Variants in SCN4A observed in about 807,000 individuals in gnomAD.
SCN4A encodes the protein sodium voltage-gated channel alpha subunit 4.
Under a neutral mutation model 162.0 loss-of-function variants are expected in SCN4A, and 83 were observed. That is an observed-to-expected ratio of 0.51 (90% CI 0.43 to 0.61). The LOEUF is 0.61. Ranked by LOEUF, SCN4A falls within the 20% of genes least tolerant of loss-of-function variation. SCN4A has a pLI of 0.00. For missense variants in SCN4A, 2,196 were observed against 2,462.5 expected, an observed-to-expected ratio of 0.89 and a Z score of 2.29; for synonymous variants, 944 against 985.1, an observed-to-expected ratio of 0.96 and a Z score of 0.78.
rs771082164 is a variant in SCN4A, at chr17:63,957,500, C to G, written c.2038G>C (p.Ala680Pro). ...ATGTTCAGCGTTGGCCACGACTTGG[C>G]CAGCTTGAAGACCCGCAGCTGCCAA... ...SFRLLRVFKL[A>P]KSWPTLNMLI... The change falls in exon 13 of 24, where the codon GCC (alanine) becomes CCC (proline). Residue 680 changes from alanine to proline, a missense_variant. By Grantham distance (27) the Ala-to-Pro change is conservative (BLOSUM62 -1). Transcript: ENST00000435607. 6.2e-7 allele frequency: 1 copy of G among 1,610,962 alleles called. No individual in the cohort carries two copies. The highest frequency in any genetic ancestry group is 8.5e-7 in the Non-Finnish European group (1 of 1,177,462).
intron 18 of SCN4A, among the ~76,000 whole-genome samples, chr17:63,946,430 A>AC (rs1908719425): frequency 2.0e-5 from 3 of 147,590 alleles, no homozygotes; most frequent in Non-Finnish European, 4.4e-5. Flanking sequence ...CTCCCAGCAG[A>AC]TCTCTCTTCC....
In SCN4A at chr17:63,959,452, T is replaced by G; in HGVS notation, c.1846-14A>C. 2 of 1,611,568 alleles carry G rather than the reference T, an allele frequency of 1.2e-6. No homozygotes were observed. The highest frequency in any genetic ancestry group is 1.7e-6 in the Non-Finnish European group (2 of 1,178,748). On this transcript the variant is annotated splice_polypyrimidine_tract_variant and intron_variant, in intron 11 of 23. Coordinates refer to ENST00000435607, the MANE Select transcript of SCN4A (RefSeq NM_000334.4). The stretch of plus-strand genomic sequence containing the variant: ...GCCTGTGAAGACCTAGGGGGTGGCA[T>G]GAGGCCCTGTCACAGAGCCTCGGGG...
At chr17:63,972,914 GCTGGGCGGCCGCCCCTCC>G (rs1469194007) in exon 1 of SCN4A, 3 of 1,468,492 alleles carry the variant, frequency 2.0e-6, no homozygotes, top group East Asian at 4.7e-5. This position sits in a 1 kb window ranked among gnomAD's most constrained non-coding sequence, Gnocchi z 4.3. Flanking sequence ...GCCCCGGGGT[GCTGGGCGGCCGCCCCTCC>G]CTGGGCGGGC....
Position 63,944,823 on chromosome 17 carries a change from C to T in SCN4A, c.3775-13G>A, listed in dbSNP as rs1423251716. ...GCTGCTCCTCCTTCTGTGGGAGCCACAGGGTGGGACGGCGTGGGTTTGCAC... is the reference window on the plus strand; with the variant it reads ...GCTGCTCCTCCTTCTGTGGGAGCCATAGGGTGGGACGGCGTGGGTTTGCAC... On this transcript the variant is annotated splice_polypyrimidine_tract_variant and intron_variant, in intron 20 of 23. Coordinates refer to ENST00000435607, the MANE Select transcript of SCN4A (RefSeq NM_000334.4). The surrounding 1 kb of genome is among the most constrained non-coding windows in gnomAD (Gnocchi z 4.3). 2 of 1,612,744 alleles carry T rather than the reference C, an allele frequency of 1.2e-6. No individual in the cohort carries two copies. The highest frequency in any genetic ancestry group is 2.2e-5 in the East Asian group (1 of 44,848).
At chr17:63,968,999 C>A (rs976588618) in intron 5 of SCN4A, among the ~76,000 whole-genome samples, 1 of 152,086 alleles carries the variant, frequency 6.6e-6, no homozygotes, top group African/African-American at 2.4e-5. Flanking sequence ...GCCACCACAC[C>A]CAGCTCATTT....
chr17:63,971,375 T>TG, intron 4 of SCN4A, 122 bp from the exon 5 acceptor site: 2 of 674,908 alleles, frequency 3.0e-6, no homozygotes, highest in South Asian at 1.7e-5. Flanking sequence ...CCACAGGGTC[T>TG]GGGGGGCAGG....
At position 63,964,713 on chromosome 17, in the gene SCN4A, T is replaced by C. The variant is rs773176349; in HGVS notation, c.1243-36A>G. ...AGGGAGAGGGAGTGGAGGGGTCCCA[T>C]GACGTCCACCTCCTTTGACCCAGTG... On this transcript the variant is annotated intron_variant, in intron 8 of 23. Transcript: ENST00000435607. 4 of 1,540,910 alleles carry C rather than the reference T, an allele frequency of 2.6e-6. No individual in the cohort carries two copies. In the Admixed American group the frequency reaches 5.6e-5, roughly 22 times the overall value.
rs770779396 is a variant in SCN4A at position 63,959,276 on chromosome 17, A to T, written c.2008T>A (p.Ser670Thr). Reference protein sequence around the residue: ...ANVQGLSVLRSFRLLRVFKLA... With the variant: ...ANVQGLSVLRTFRLLRVFKLA... ...GGGCTTTTGTGTACCAGACGGAAGG[A>T]GCGTAGCACAGACAGTCCCTGTACG... The change falls in exon 12 of 24, where the codon TCC (serine) becomes ACC (threonine). Residue 670 changes from serine (S) to threonine (T), a missense_variant. Transcript: ENST00000435607. The T allele has an allele frequency of 3.7e-6, 6 of 1,611,846 alleles. No individual in the cohort carries two copies. Among genetic ancestry groups the T allele is most frequent in the Non-Finnish European group, 5.1e-6 (6 of 1,178,460 alleles).
chr17:63,957,134 C>A, intron 13 of SCN4A, 28 bp downstream of exon 13: 9 of 1,482,270 alleles, frequency 6.1e-6, no homozygotes, highest in Non-Finnish European at 8.3e-6. Context: ...CGGGTGAGGG[C>A]AGGGGCCACC....
At position 63,972,758 on chromosome 17, in the gene SCN4A, T is replaced by C; in HGVS notation, c.84A>G (p.Ile28Met). 1 of 1,613,736 alleles carries C rather than the reference T, an allele frequency of 6.2e-7. No homozygotes were observed. The highest frequency in any genetic ancestry group is 8.5e-7 in the Non-Finnish European group (1 of 1,179,820). ...RPFTRESLAA[I>M]EQRAVEEEAR... Reference sequence around the variant, plus strand: ...CCTCCTCCTCCACCGCCCGCTGTTCTATGGCTGCCAGTGACTCCCGGGTGA... The same window carrying C: ...CCTCCTCCTCCACCGCCCGCTGTTCCATGGCTGCCAGTGACTCCCGGGTGA... Residue 28 changes from isoleucine (I) to methionine (M), a missense_variant, in exon 1 of 24, where the codon ATA (isoleucine) becomes ATG (methionine). Ile to Met is a conservative substitution (Grantham distance 10, BLOSUM62 1). Coordinates refer to ENST00000435607, the MANE Select transcript of SCN4A (RefSeq NM_000334.4). This position sits in a 1 kb window ranked among gnomAD's most constrained non-coding sequence, Gnocchi z 4.3.
intron 6 of SCN4A, among the ~76,000 whole-genome samples, chr17:63,966,829 A>C (rs996690874): frequency 2.0e-5 from 3 of 152,198 alleles, no homozygotes; most frequent in African/African-American, 7.2e-5. Flanking sequence ...ACGTGTGTGC[A>C]TGGGGTTATT....
chr17:63,963,926 G>A, intron 9 of SCN4A, 101 bp from the exon 10 acceptor site: 1 of 1,170,788 alleles, frequency 8.5e-7, no homozygotes, highest in Non-Finnish European at 1.2e-6. Flanking sequence ...CAGGGTGGCA[G>A]CCCCTCTTCC....
At chr17:63,954,592 G>A (rs1909014704) in intron 13 of SCN4A, among the ~76,000 whole-genome samples, 1 of 152,184 alleles carries the variant, frequency 6.6e-6, no homozygotes, top group Admixed American at 6.5e-5. Context: ...TTACCCGCAG[G>A]AAGTGACCAA....
At chr17:63,961,487 G>A (rs759574120) in intron 10 of SCN4A, 56 bp from the exon 11 acceptor site, 8 of 1,296,372 alleles carry the variant, frequency 6.2e-6, no homozygotes, top group Non-Finnish European at 8.9e-6. Context: ...ACGTGCCCCC[G>A]GCTCCAGCTA....
intron 6 of SCN4A, among the ~76,000 whole-genome samples, chr17:63,967,799 G>T (rs1046919799): frequency 2.6e-5 from 4 of 152,054 alleles, no homozygotes; most frequent in African/African-American, 9.7e-5. Flanking sequence ...TGGGCCTGGT[G>T]GCACATGCCT....
chr17:63,957,298 A>G lies in SCN4A; in HGVS notation c.2240T>C (p.Phe747Ser). The change falls in exon 13 of 24, where the codon TTC becomes TCC. Residue 747 changes from phenylalanine to serine, a missense_variant. Transcript: ENST00000435607. ...CNLPRWHMHD[F>S]FHSFLIVFRI... ...GAAGACGATGAGGAAGGAGTGGAAGAAATCATGCATGTGCCAGCGCGGCAG... is the reference window on the plus strand; with the variant it reads ...GAAGACGATGAGGAAGGAGTGGAAGGAATCATGCATGTGCCAGCGCGGCAG... The G allele has an allele frequency of 2.5e-6, 4 of 1,614,200 alleles. No individual in the cohort carries two copies. The highest frequency in any genetic ancestry group is 3.4e-6 in the Non-Finnish European group (4 of 1,180,016).
chr17:63,939,900 T>G lies in SCN4A; in HGVS notation c.*871A>C, dbSNP rs1009965018. 6.6e-6 allele frequency: 1 copy of G among 152,066 alleles called. No homozygotes were observed. Among genetic ancestry groups the G allele is most frequent in the Non-Finnish European group, 1.5e-5 (1 of 67,994 alleles). 9.4% of individuals were successfully genotyped at this position (152,066 alleles called of 1,614,324 possible). On this transcript the variant is annotated 3_prime_UTR_variant, in exon 24 of 24. Coordinates refer to ENST00000435607, the MANE Select transcript of SCN4A (RefSeq NM_000334.4). ...GGAGAGAGGGAAGGGGCGAGAATCT[T>G]CTTACTGAGCAGCAGGTCCCTGACT... is the stretch of plus-strand genomic sequence containing the variant.
In SCN4A at chr17:63,941,904, G is replaced by C; in HGVS notation, c.4378C>G (p.Arg1460Gly). Reference protein sequence around the residue: ...IRLARIGRVLRLIRGAKGIRT... With the variant: ...IRLARIGRVLGLIRGAKGIRT... The stretch of plus-strand genomic sequence containing the variant: ...ATGCCCTTGGCCCCGCGGATCAGCC[G>C]CAGGACACGCCCAATCCGCGCCAGG... Residue 1460 changes from arginine (R) to glycine (G), a missense_variant, in exon 24 of 24, where the codon CGG (arginine) becomes GGG (glycine). Physicochemically the swap from Arg to Gly is moderately radical, Grantham distance 125. Transcript: ENST00000435607. The surrounding 1 kb of genome is among the most constrained non-coding windows in gnomAD (Gnocchi z 6.2). The C allele has an allele frequency of 6.2e-7, 1 of 1,613,008 alleles. No individual in the cohort carries two copies. The highest frequency in any genetic ancestry group is 2.2e-5 in the East Asian group (1 of 44,858).
rs911873120 is a variant in SCN4A, at chr17:63,963,682, G to A, written c.1596C>T (p.Asp532=). The A allele has an allele frequency of 3.2e-6, 5 of 1,581,858 alleles. No individual in the cohort carries two copies. The highest frequency in any genetic ancestry group is 2.7e-5 in the African/African-American group (2 of 74,350). The change falls in exon 10 of 24, where the codon GAC becomes GAT. Residue 532 remains aspartate, a synonymous_variant. Coordinates refer to ENST00000435607, the MANE Select transcript of SCN4A (RefSeq NM_000334.4). ...GCACAAGGCACTCACCTTCCATGGC[G>A]TCGGAGATGCCGCTGTCTCCGCTGC... ...QSSSGDSGIS[D]AMEELEEAHQ...
Sources: gnomAD v4.1 joint callset for allele counts (sites outside exome capture counted in the v4.1 genomes callset) on GRCh38, gnomAD v4.1.1 for gene constraint, Gnocchi (gnomAD v3.1) non-coding constraint, MANE v1.5 for transcripts, NCBI Gene and HGNC (gene_info 2026-07-23, HGNC 2026-07-21) for gene names.